DCAF8L2: variants seen among roughly 807,000 people sequenced by gnomAD.
DCAF8L2 encodes the protein DDB1- and CUL4-associated factor 8-like protein 2.
For synonymous variants in DCAF8L2, 200 were observed against 190.9 expected (o/e 1.05, Z -0.39); for missense variants, 430 against 490.7 (o/e 0.88, Z 1.17).
At chrX:27,496,756 G>A in the DCAF8L2 span, among the ~76,000 whole-genome samples, 4 of 111,818 alleles carry the variant, frequency 3.6e-5, no homozygotes, top group African/African-American at 1.3e-4. Flanking sequence ...ATCTAGTTTT[G>A]TAATGGCTGA....
At chrX:27,681,691 A>G (rs938901264) in intron 3 of DCAF8L2, among the ~76,000 whole-genome samples, 4 of 111,770 alleles carry the variant, frequency 3.6e-5, no homozygotes, top group Admixed American at 9.6e-5. Context: ...GATTCTATGA[A>G]CAATTTGCTA....
the DCAF8L2 span, among the ~76,000 whole-genome samples, chrX:27,583,286 C>T: frequency 4.5e-5 from 5 of 111,586 alleles, no homozygotes; most frequent in Non-Finnish European, 1.9e-5. Flanking sequence ...AACAATCCCC[C>T]GTTCCCTTTT....
chrX:27,598,960 CAAAAA>C (rs113747555), intron 1 of DCAF8L2, among the ~76,000 whole-genome samples: 2 of 82,513 alleles, frequency 2.4e-5, no homozygotes, highest in Non-Finnish European at 2.3e-5. Context: ...GAAAGTTTCT[CAAAAA>C]AAAAAAAAAA....
the DCAF8L2 span, among the ~76,000 whole-genome samples, chrX:27,575,304 G>C: frequency 4.5e-5 from 5 of 111,471 alleles, no homozygotes; most frequent in Admixed American, 4.7e-4. Flanking sequence ...TCGATGTCTG[G>C]CCACCTGTGT....
At chrX:27,725,201 G>T (rs1255701401) in intron 4 of DCAF8L2, among the ~76,000 whole-genome samples, 1 of 110,933 alleles carries the variant, frequency 9.0e-6, no homozygotes, top group African/African-American at 3.3e-5. Context: ...ATTTTTAGCT[G>T]AATCTTTCAG....
chrX:27,524,675 A>C, the DCAF8L2 span, among the ~76,000 whole-genome samples: 3 of 111,397 alleles, frequency 2.7e-5, no homozygotes, highest in African/African-American at 9.8e-5. Flanking sequence ...TTAGTGCTAT[A>C]AATTTCCCTC....
At position 27,662,825 on chromosome X, in the gene DCAF8L2, T is replaced by C. The variant is rs187650777; in HGVS notation, c.-219-15011T>C. Among the ~76,000 whole-genome samples the C allele has an allele frequency of 3.7e-4, 41 of 111,712 alleles. 1 individual carries two copies. Among genetic ancestry groups the C allele is most frequent in the Non-Finnish European group, 7.5e-4 (40 of 53,073 alleles). ...AGTGTTAGGAGATTATTCCTAACAT[T>C]GTGTTGCAGAAAATAGGGCAATAAA... On this transcript the variant is annotated intron_variant, in intron 2 of 4. Transcript: ENST00000451261.
chrX:27,557,372 G>T, the DCAF8L2 span, among the ~76,000 whole-genome samples: 2 of 111,686 alleles, frequency 1.8e-5, no homozygotes, highest in East Asian at 5.6e-4. Flanking sequence ...AATTTTAAAG[G>T]TTAATTTCGT....
At chrX:27,492,084 C>T in the DCAF8L2 span, among the ~76,000 whole-genome samples, 8 of 112,350 alleles carry the variant, frequency 7.1e-5, no homozygotes, top group African/African-American at 2.6e-4. Context: ...TCACCTATAG[C>T]CCAGCAAACC....
At chrX:27,540,505 G>A in the DCAF8L2 span, among the ~76,000 whole-genome samples, 2 of 111,594 alleles carry the variant, frequency 1.8e-5, no homozygotes, top group Middle Eastern at 9.4e-3. Context: ...CACTTATGTA[G>A]AAGCTAAAAA....
the DCAF8L2 span, among the ~76,000 whole-genome samples, chrX:27,556,649 A>G: frequency 8.9e-6 from 1 of 112,094 alleles, no homozygotes; most frequent in African/African-American, 3.2e-5. Flanking sequence ...CTGAAGTGCC[A>G]TAAGAACATG....
the DCAF8L2 span, among the ~76,000 whole-genome samples, chrX:27,541,798 G>T: frequency 4.5e-5 from 5 of 111,410 alleles, no homozygotes; most frequent in Non-Finnish European, 3.8e-5. Context: ...CCCAAGAAGT[G>T]AGCACAGTAC....
chrX:27,560,610 A>G, the DCAF8L2 span, among the ~76,000 whole-genome samples: 4 of 111,713 alleles, frequency 3.6e-5, no homozygotes, highest in African/African-American at 1.3e-4. Flanking sequence ...GCCATTCCAC[A>G]TTACATGTTT....
upstream of DCAF8L2, among the ~76,000 whole-genome samples, chrX:27,587,576 CTT>C (rs1160311872): frequency 9.0e-6 from 1 of 111,272 alleles, no homozygotes; most frequent in East Asian, 2.8e-4. Context: ...ATGCAAATAA[CTT>C]AGAATACTTT....
the DCAF8L2 span, among the ~76,000 whole-genome samples, chrX:27,476,272 A>T: frequency 1.8e-5 from 2 of 110,860 alleles, no homozygotes; most frequent in Non-Finnish European, 3.8e-5. Context: ...GGGTCTTAAT[A>T]AAAAAAAGTT....
chrX:27,658,336 C>T (rs1436702462), intron 2 of DCAF8L2, among the ~76,000 whole-genome samples: 1 of 111,781 alleles, frequency 8.9e-6, no homozygotes, highest in Non-Finnish European at 1.9e-5. Context: ...CTCCATGTCA[C>T]AAGTTTCTTC....
At chrX:27,664,170 A>G (rs1031135809) in intron 2 of DCAF8L2, among the ~76,000 whole-genome samples, 2 of 111,422 alleles carry the variant, frequency 1.8e-5, no homozygotes, top group Non-Finnish European at 3.8e-5. Context: ...CTCTTTTGCC[A>G]AATAGTTAGA....
Position 27,669,483 on chromosome X carries a change from AT to A in DCAF8L2, c.-219-8348del, listed in dbSNP as rs1929865847. Among the ~76,000 whole-genome samples, 3 of 108,142 alleles carry A rather than the reference AT, an allele frequency of 2.8e-5. No individual in the cohort carries two copies. In the Admixed American group the frequency reaches 3.0e-4, roughly 11 times the overall value. The allele number at this position is 108,142 out of a possible 115,157, so 93.9% of individuals were successfully genotyped here. ...TTATTTATTTATTTATTTATTTTTT[AT>A]TTTTATTATACTTTAAGTTCTAGGG... On this transcript the variant is annotated intron_variant, in intron 2 of 4. Coordinates refer to ENST00000451261, the MANE Select transcript of DCAF8L2 (RefSeq NM_001353450.2).
intron 2 of DCAF8L2, among the ~76,000 whole-genome samples, chrX:27,654,504 G>A (rs902616442): frequency 1.8e-5 from 2 of 111,892 alleles, no homozygotes; most frequent in African/African-American, 6.5e-5. Flanking sequence ...CAGAATGCAG[G>A]TTGTTTCACA....
Sources: allele counts gnomAD v4.1 joint callset (sites outside exome capture counted in the v4.1 genomes callset), GRCh38; gene constraint gnomAD v4.1.1; transcripts MANE v1.5; gene names NCBI Gene and HGNC (gene_info 2026-07-23, HGNC 2026-07-21).